Variants in INPP4B observed in about 807,000 individuals in gnomAD.
INPP4B encodes the protein inositol polyphosphate-4-phosphatase type II B, also known as inositol polyphosphate 4-phosphatase type II.
A neutral mutation model predicts 122.5 loss-of-function variants in INPP4B; 55 were observed. The ratio of observed to expected loss-of-function variants is 0.45; its 90% CI spans 0.36 to 0.56. The LOEUF (loss-of-function observed/expected upper bound fraction) is 0.56. Among genes scored for constraint, INPP4B ranks in the 20% least tolerant of loss-of-function variants. The pLI, the probability that INPP4B is intolerant of heterozygous loss-of-function variation, is 0.00. For synonymous variants in INPP4B, 403 were observed against 388.7 expected (o/e 1.04, Z -0.43); for missense variants, 1,000 against 1,097.7 (o/e 0.91, Z 1.26).
At chr4:142,716,124 C>A (rs950049843) in intron 2 of INPP4B, among the ~76,000 whole-genome samples, 1 of 152,160 alleles carries the variant, frequency 6.6e-6, no homozygotes. Flanking sequence ...AGACACAAAC[C>A]CACTCAGGTT....
intron 25 of INPP4B, among the ~76,000 whole-genome samples, chr4:142,066,011 T>C (rs756814097): frequency 6.6e-6 from 1 of 152,156 alleles, no homozygotes; most frequent in Non-Finnish European, 1.5e-5. Context: ...GATATTAGCA[T>C]TCCTTTCCCC....
At chr4:142,523,969 C>G (rs1280264703) in intron 2 of INPP4B, among the ~76,000 whole-genome samples, 2 of 147,930 alleles carry the variant, frequency 1.4e-5, no homozygotes, top group African/African-American at 5.0e-5. Context: ...CATCCATGTC[C>G]CTACAAAGGA....
At chr4:142,550,602 A>ACACG (rs1727740145) in intron 2 of INPP4B, among the ~76,000 whole-genome samples, 1 of 9,670 alleles carries the variant, frequency 1.0e-4, no homozygotes, top group Non-Finnish European at 1.5e-3. Flanking sequence ...ACACACACAC[A>ACACG]CACATATATA....
intron 7 of INPP4B, among the ~76,000 whole-genome samples, chr4:142,381,978 T>A (rs192117229): frequency 6.6e-6 from 1 of 152,220 alleles, no homozygotes; most frequent in African/African-American, 2.4e-5. Flanking sequence ...AGGTAAGTCT[T>A]ACTATTATTT....
chr4:142,629,465 T>TCCTAG (rs1286744085), intron 2 of INPP4B, among the ~76,000 whole-genome samples: 1 of 152,036 alleles, frequency 6.6e-6, no homozygotes, highest in Admixed American at 6.6e-5. Flanking sequence ...TGTTTATTTC[T>TCCTAG]AGATGAGATG....
chr4:142,403,638 C>T (rs963168988), intron 6 of INPP4B, among the ~76,000 whole-genome samples: 4 of 152,020 alleles, frequency 2.6e-5, no homozygotes, highest in Non-Finnish European at 5.9e-5. Flanking sequence ...ATGCAGTGCA[C>T]AGGATATTTC....
intron 10 of INPP4B, among the ~76,000 whole-genome samples, chr4:142,268,326 A>AAAAAAAAAAAAAAAAAAAAAAC: frequency 7.5e-6 from 1 of 132,996 alleles, no homozygotes; most frequent in Non-Finnish European, 1.6e-5. Context: ...CCGTCTCAAA[A>AAAAAAAAAAAAAAAAAAAAAAC]AAAAAAAAAA....
chr4:142,805,617 G>A (rs1402127631), intron 1 of INPP4B, among the ~76,000 whole-genome samples: 2 of 152,124 alleles, frequency 1.3e-5, no homozygotes, highest in Non-Finnish European at 2.9e-5. Context: ...CTCCTCAAGT[G>A]AAGACAATGA....
chr4:142,149,590 G>C lies in INPP4B; in HGVS notation c.1564-3594C>G, dbSNP rs1812686237. On this transcript the variant is annotated intron_variant, in intron 17 of 25. Coordinates refer to ENST00000262992, the MANE Select transcript of INPP4B (RefSeq NM_001101669.3). ...AAAACAGATAAAGAAACCCAGGAAG[G>C]GTCAGGTAGAGGTGTGTGCCACTTT... Among the ~76,000 whole-genome samples the C allele has an allele frequency of 7.2e-5, 11 of 152,244 alleles. 1 individual carries two copies. In the South Asian group the frequency reaches 2.1e-3, roughly 29 times the overall value.
chr4:142,201,048 T>G (rs181266833), intron 14 of INPP4B, among the ~76,000 whole-genome samples: 9 of 152,218 alleles, frequency 5.9e-5, no homozygotes, highest in African/African-American at 2.2e-4. Context: ...TGTGTGCATA[T>G]TTTATAGAAG....
At chr4:142,427,560 G>C (rs1808376342) in intron 5 of INPP4B, 1 of 534,968 alleles carries the variant, frequency 1.9e-6, no homozygotes, top group East Asian at 3.2e-5. Context: ...CTTTGAACAA[G>C]ATAGATTCTC....
chr4:142,313,658 GCA>G (rs1307529471), intron 8 of INPP4B, among the ~76,000 whole-genome samples: 1 of 152,176 alleles, frequency 6.6e-6, no homozygotes, highest in African/African-American at 2.4e-5. Flanking sequence ...TGTGTAGTCA[GCA>G]CAGAGATTGG....
intron 2 of INPP4B, among the ~76,000 whole-genome samples, chr4:142,576,769 G>T (rs1733945885): frequency 6.6e-6 from 1 of 151,828 alleles, no homozygotes; most frequent in Non-Finnish European, 1.5e-5. Flanking sequence ...TCCAAATCTA[G>T]AATGTTCAAA....
intron 9 of INPP4B, among the ~76,000 whole-genome samples, chr4:142,292,836 TTGTTTTTCTTGTATAA>T (rs1341922771): frequency 1.3e-5 from 2 of 152,186 alleles, no homozygotes; most frequent in African/African-American, 2.4e-5. Flanking sequence ...ATTTGGTCTT[TTGTTTTTCTTGTATAA>T]TGTTTTTCTT....
At chr4:142,632,764 T>C (rs1748250000) in intron 2 of INPP4B, among the ~76,000 whole-genome samples, 1 of 151,982 alleles carries the variant, frequency 6.6e-6, no homozygotes, top group African/African-American at 2.4e-5. Flanking sequence ...CAACTGATAT[T>C]AAATTTTCAG....
chr4:142,229,488 G>A (rs371973237), intron 12 of INPP4B, among the ~76,000 whole-genome samples: 6 of 152,070 alleles, frequency 3.9e-5, no homozygotes, highest in East Asian at 1.9e-4. Context: ...GATGAATACC[G>A]CCCTGCTTTC....
At chr4:142,110,035 TA>T (rs1042519634) in intron 22 of INPP4B, among the ~76,000 whole-genome samples, 1 of 152,142 alleles carries the variant, frequency 6.6e-6, no homozygotes, top group Non-Finnish European at 1.5e-5. Flanking sequence ...AACTGGTATT[TA>T]AAAAATACCA....
intron 14 of INPP4B, among the ~76,000 whole-genome samples, chr4:142,197,143 A>AAAAAG (rs1838678554): frequency 1.3e-5 from 2 of 151,462 alleles, no homozygotes; most frequent in African/African-American, 2.4e-5. Flanking sequence ...AAAAAAAAAA[A>AAAAAG]AAAGAAAGTG....
intron 12 of INPP4B, among the ~76,000 whole-genome samples, chr4:142,219,727 T>C (rs1848622791): frequency 6.6e-6 from 1 of 152,192 alleles, no homozygotes; most frequent in South Asian, 2.1e-4. Flanking sequence ...CCCCTTTAAA[T>C]TCCTCTAACC....
Sources: allele counts gnomAD v4.1 joint callset (sites outside exome capture counted in the v4.1 genomes callset), GRCh38; gene constraint gnomAD v4.1.1; transcripts MANE v1.5; gene names NCBI Gene and HGNC (gene_info 2026-07-23, HGNC 2026-07-21).